The following PLCB1 variants were observed in gnomAD, a reference collection of about 807,000 sequenced individuals.
PLCB1 encodes the protein 1-phosphatidylinositol 4,5-bisphosphate phosphodiesterase beta-1.
In PLCB1, 46 loss-of-function variants were observed where a neutral mutation model predicts 161.8. That is an observed-to-expected ratio of 0.28 (90% CI 0.22 to 0.36). The LOEUF (loss-of-function observed/expected upper bound fraction) is 0.36. PLCB1 is among the 10% of genes least tolerant of loss of function. PLCB1 has a pLI of 1.00. For missense variants in PLCB1, 1,016 were observed against 1,472.5 expected (o/e 0.69, Z 5.07); for synonymous variants, 517 against 503.7 (o/e 1.03, Z -0.35).
Position 8,179,195 on chromosome 20 carries a change from T to C in PLCB1, c.177+28824T>C, listed in dbSNP as rs529567606. ...AATGTCATTGGCAGTTTGATAAGAA[T>C]AGCATCGAGTTTGTACGTTGCTTTG... On this transcript the variant is annotated intron_variant, in intron 2 of 31. Coordinates refer to ENST00000338037, the MANE Select transcript of PLCB1 (RefSeq NM_015192.4). Among the ~76,000 whole-genome samples the C allele has an allele frequency of 1.4e-4, 22 of 152,330 alleles. No individual in the cohort carries two copies. In the South Asian group the frequency reaches 2.5e-3, roughly 17 times the overall value.
rs143423095 is a variant in PLCB1, at chr20:8,813,445, A to G, written c.3423+23184A>G. Among the ~76,000 whole-genome samples the G allele has an allele frequency of 9.8e-5, 15 of 152,326 alleles. No individual in the cohort carries two copies. In the East Asian group the frequency reaches 2.9e-3, roughly 29 times the overall value. On this transcript the variant is annotated intron_variant, in intron 31 of 31. Coordinates refer to ENST00000338037, the MANE Select transcript of PLCB1 (RefSeq NM_015192.4). ...AGAATATCTTACTGAGACCAGCTCTAAAGTAAACTATTTCACCACACTCAA... is the reference window on the plus strand; with the variant it reads ...AGAATATCTTACTGAGACCAGCTCTGAAGTAAACTATTTCACCACACTCAA...
intron 9 of PLCB1, among the ~76,000 whole-genome samples, chr20:8,658,963 A>C (rs1027515778): frequency 6.6e-6 from 1 of 152,102 alleles, no homozygotes; most frequent in Non-Finnish European, 1.5e-5. Context: ...TTTTGTTTCA[A>C]ATTCACGCAG....
intron 3 of PLCB1, among the ~76,000 whole-genome samples, chr20:8,442,656 T>C (rs1278744352): frequency 1.3e-5 from 2 of 152,196 alleles, no homozygotes; most frequent in Non-Finnish European, 1.5e-5. Flanking sequence ...TCCAAAATTA[T>C]CATCTTTTGA....
intron 14 of PLCB1, among the ~76,000 whole-genome samples, chr20:8,719,334 T>A (rs549470013): frequency 1.3e-5 from 2 of 152,292 alleles, no homozygotes; most frequent in Admixed American, 6.5e-5. Flanking sequence ...GATGTGTATT[T>A]AGGTTTACCA....
intron 4 of PLCB1, among the ~76,000 whole-genome samples, chr20:8,639,569 T>G (rs1988874541): frequency 6.6e-6 from 1 of 152,208 alleles, no homozygotes; most frequent in South Asian, 2.1e-4. Flanking sequence ...CCCAGAACCC[T>G]CCAGCAGGCA....
chr20:8,468,152 C>T (rs1568687625), intron 3 of PLCB1, among the ~76,000 whole-genome samples: 1 of 152,186 alleles, frequency 6.6e-6, no homozygotes, highest in Non-Finnish European at 1.5e-5. Flanking sequence ...AGAGTTTTCC[C>T]CTGGGACTGG....
chr20:8,726,178 A>G (rs911909219), intron 16 of PLCB1, among the ~76,000 whole-genome samples: 6 of 152,132 alleles, frequency 3.9e-5, no homozygotes, highest in Admixed American at 1.3e-4. Flanking sequence ...TCAGAGCTAT[A>G]TAACCACCCT....
chr20:8,231,034 C>A (rs1980003306), intron 2 of PLCB1, among the ~76,000 whole-genome samples: 1 of 152,074 alleles, frequency 6.6e-6, no homozygotes. Flanking sequence ...TTCACCTCTC[C>A]ATAATCTTCA....
At chr20:8,551,726 A>G (rs1461963950) in intron 3 of PLCB1, among the ~76,000 whole-genome samples, 3 of 152,160 alleles carry the variant, frequency 2.0e-5, no homozygotes, top group African/African-American at 4.8e-5. Context: ...CCACAGTGGT[A>G]GCTTGCTCAA....
intron 2 of PLCB1, among the ~76,000 whole-genome samples, chr20:8,330,189 C>T (rs1051075374): frequency 1.1e-4 from 16 of 152,128 alleles, no homozygotes; most frequent in Admixed American, 1.3e-4. Context: ...TTGCTTATCA[C>T]GTGCCGGGCC....
At chr20:8,686,933 GT>G (rs1328111943) in intron 10 of PLCB1, among the ~76,000 whole-genome samples, 1 of 152,140 alleles carries the variant, frequency 6.6e-6, no homozygotes, top group Non-Finnish European at 1.5e-5. Context: ...GACTGTTTCA[GT>G]GAACAAAGGA....
At chr20:8,418,423 A>C (rs73090259) in intron 3 of PLCB1, among the ~76,000 whole-genome samples, 2 of 152,164 alleles carry the variant, frequency 1.3e-5, no homozygotes, top group Non-Finnish European at 2.9e-5. Flanking sequence ...TCTTCAGAAC[A>C]TGCAGATTTG....
intron 16 of PLCB1, 54 bp downstream of exon 16, chr20:8,724,806 A>G (rs958264487): frequency 2.1e-6 from 2 of 966,676 alleles, no homozygotes; most frequent in African/African-American, 1.6e-5. Flanking sequence ...ATTATATTTT[A>G]AATACGGAGT....
chr20:8,815,456 G>A (rs1985041692), intron 31 of PLCB1, among the ~76,000 whole-genome samples: 1 of 152,168 alleles, frequency 6.6e-6, no homozygotes, highest in Admixed American at 6.5e-5. Flanking sequence ...GCAACGGTGG[G>A]ATGAAAGAGC....
intron 10 of PLCB1, among the ~76,000 whole-genome samples, chr20:8,686,762 T>C (rs1007655813): frequency 3.3e-4 from 50 of 152,290 alleles, no homozygotes; most frequent in Non-Finnish European, 4.6e-4. Flanking sequence ...ACATGACCTA[T>C]TAATCTTTGA....
At chr20:8,318,208 T>C (rs895206101) in intron 2 of PLCB1, among the ~76,000 whole-genome samples, 22 of 152,308 alleles carry the variant, frequency 1.4e-4, no homozygotes, top group African/African-American at 4.8e-4. Flanking sequence ...GTTATATGAC[T>C]TCTAGGACTT....
intron 2 of PLCB1, among the ~76,000 whole-genome samples, chr20:8,187,836 A>G (rs4816049): frequency 0.43 from 64,668 of 151,934 alleles, 14,958 homozygotes; most frequent in African/African-American, 0.61. Flanking sequence ...TAGGACCACT[A>G]CATATTTGGT....
chr20:8,797,411 C>CATAT (rs5840287), intron 31 of PLCB1, among the ~76,000 whole-genome samples: 1 of 151,940 alleles, frequency 6.6e-6, no homozygotes, highest in Non-Finnish European at 1.5e-5. Flanking sequence ...TCTAAGATTC[C>CATAT]ATATATATTT....
intron 2 of PLCB1, among the ~76,000 whole-genome samples, chr20:8,356,993 G>A (rs1378935834): frequency 6.6e-6 from 1 of 152,100 alleles, no homozygotes; most frequent in Non-Finnish European, 1.5e-5. Context: ...GTAATTTGGA[G>A]GAAGATTTAT....
Sources: gnomAD v4.1 joint callset for allele counts (sites outside exome capture counted in the v4.1 genomes callset) on GRCh38, gnomAD v4.1.1 for gene constraint, MANE v1.5 for transcripts, NCBI Gene and HGNC (gene_info 2026-07-23, HGNC 2026-07-21) for gene names.